The following NEBL variants were observed in gnomAD, a reference collection of about 807,000 sequenced individuals.
NEBL encodes LIM and SH3 protein 2.
A neutral mutation model predicts 140.2 loss-of-function variants in NEBL; 122 were observed. That is an observed-to-expected ratio of 0.87 (90% CI 0.75 to 1.01). The LOEUF is 1.01. Ranked by LOEUF, NEBL falls within the 50% of genes least tolerant of loss-of-function variation. NEBL has a pLI of 0.00. For synonymous variants in NEBL, 436 were observed against 398.9 expected (o/e 1.09, Z -1.11); for missense variants, 1,365 against 1,231.3 (o/e 1.11, Z -1.62).
chr10:21,047,606 T>C (rs1834579478), intron 2 of NEBL, among the ~76,000 whole-genome samples: 1 of 152,028 alleles, frequency 6.6e-6, no homozygotes, highest in South Asian at 2.1e-4. Context: ...TAAAGTGGCA[T>C]AAAACAAATA....
At chr10:21,291,308 C>G (rs1843138541) in intron 1 of NEBL, among the ~76,000 whole-genome samples, 1 of 151,588 alleles carries the variant, frequency 6.6e-6, no homozygotes, top group South Asian at 2.1e-4. Context: ...GAGTTCAAGA[C>G]CAGCCTGGCC....
intron 4 of NEBL, among the ~76,000 whole-genome samples, chr10:20,952,421 C>T (rs975568993): frequency 8.0e-6 from 1 of 125,714 alleles, no homozygotes; most frequent in African/African-American, 3.1e-5. Context: ...TGGGCAACAG[C>T]GTGAGACTCT....
chr10:20,897,706 G>T, upstream of NEBL: 1 of 246,722 alleles, frequency 4.1e-6, no homozygotes, highest in Non-Finnish European at 6.5e-6. Flanking sequence ...TAGTGAATCT[G>T]GATCATTCAA....
At chr10:20,976,815 A>T (rs1421792017) in intron 3 of NEBL, among the ~76,000 whole-genome samples, 1 of 151,904 alleles carries the variant, frequency 6.6e-6, no homozygotes, top group Non-Finnish European at 1.5e-5. Flanking sequence ...ACTACCTGTG[A>T]GATGCTATGC....
intron 3 of NEBL, among the ~76,000 whole-genome samples, chr10:21,242,554 T>C (rs1407332054): frequency 6.6e-6 from 1 of 152,060 alleles, no homozygotes; most frequent in Non-Finnish European, 1.5e-5. Flanking sequence ...CAAACCCCCA[T>C]GACACACAAT....
At chr10:21,063,362 GT>G (rs1835386894) in intron 2 of NEBL, among the ~76,000 whole-genome samples, 1 of 152,172 alleles carries the variant, frequency 6.6e-6, no homozygotes, top group African/African-American at 2.4e-5. Context: ...AATGCTCTAA[GT>G]TCCCAATTAA....
intron 3 of NEBL, among the ~76,000 whole-genome samples, chr10:21,209,913 A>G (rs1841890235): frequency 6.6e-6 from 1 of 152,042 alleles, no homozygotes; most frequent in African/African-American, 2.4e-5. Context: ...GCTTGTCAGG[A>G]TGAGGGACCT....
chr10:21,116,043 T>C (rs1433476908), intron 2 of NEBL, among the ~76,000 whole-genome samples: 2 of 152,152 alleles, frequency 1.3e-5, no homozygotes, highest in East Asian at 3.9e-4. Context: ...ATCATATTTT[T>C]TCAACTCTAG....
chr10:21,193,120 C>A (rs745911634), intron 3 of NEBL, among the ~76,000 whole-genome samples: 72 of 151,916 alleles, frequency 4.7e-4, no homozygotes, highest in Middle Eastern at 3.4e-3. Context: ...CCCAATGCTC[C>A]CAGGATGTAG....
At position 20,942,286 on chromosome 10, in the gene NEBL, A is replaced by C. The variant is rs146591266; in HGVS notation, c.357+19386T>G. ...ACAGAGCCCTCAGAAATAATGCCGC[A>C]TATCTACAACCATCTGTTCTTTGAC... On this transcript the variant is annotated intron_variant, in intron 4 of 6. Transcript: ENST00000417816. Among the ~76,000 whole-genome samples, 132 of 152,328 alleles carry C rather than the reference A, an allele frequency of 8.7e-4. 4 individuals carry two copies. In the East Asian group the frequency reaches 0.019, roughly 22 times the overall value.
At chr10:20,860,774 C>T (rs149268230) in intron 7 of NEBL, among the ~76,000 whole-genome samples, 3 of 152,170 alleles carry the variant, frequency 2.0e-5, no homozygotes, top group Admixed American at 2.0e-4. Flanking sequence ...AAAGGCTCTG[C>T]TTTGCAGAAG....
chr10:21,087,841 C>G (rs758124799), intron 2 of NEBL, among the ~76,000 whole-genome samples: 2 of 152,118 alleles, frequency 1.3e-5, no homozygotes, highest in African/African-American at 2.4e-5. Context: ...AAATGACTTA[C>G]GTGGAAATTA....
intron 3 of NEBL, among the ~76,000 whole-genome samples, chr10:20,989,547 A>C (rs774650335): frequency 2.0e-5 from 3 of 152,198 alleles, no homozygotes; most frequent in Admixed American, 2.0e-4. Context: ...AGAAACCATA[A>C]ATTTATGAAG....
In NEBL at chr10:21,020,204, G is replaced by A. The variant is rs757558719; in HGVS notation, c.165-3C>T. On this transcript the variant is annotated splice_polypyrimidine_tract_variant and splice_region_variant and intron_variant, in intron 2 of 6. Transcript: ENST00000417816. ...TGAAGGACTGCTTCGGGTAGTGTCTGTGGGGAAATTTTTTAAAAGGACATA... is the reference window on the plus strand; with the variant it reads ...TGAAGGACTGCTTCGGGTAGTGTCTATGGGGAAATTTTTTAAAAGGACATA... 2.2e-5 allele frequency: 35 copies of A among 1,613,354 alleles called. 1 individual carries two copies. In the Admixed American group the frequency reaches 5.5e-4, roughly 25 times the overall value.
intron 3 of NEBL, among the ~76,000 whole-genome samples, chr10:20,973,158 A>G (rs2131641627): frequency 6.6e-6 from 1 of 152,330 alleles, no homozygotes; most frequent in South Asian, 2.1e-4. Flanking sequence ...TTGAAGACCT[A>G]TAAGGTGTCA....
At chr10:21,029,305 C>G in intron 2 of NEBL, 1 of 1,609,196 alleles carries the variant, frequency 6.2e-7, no homozygotes, top group Admixed American at 1.7e-5. Context: ...TCTAGGGAAC[C>G]TATCCTATGA....
intron 2 of NEBL, among the ~76,000 whole-genome samples, chr10:21,051,523 T>A (rs1564493565): frequency 6.6e-6 from 1 of 151,152 alleles, no homozygotes. Context: ...TAAAAGAAAA[T>A]GAAAAGAGAA....
At chr10:20,893,207 T>A (rs1847174764) in intron 2 of NEBL, among the ~76,000 whole-genome samples, 1 of 152,094 alleles carries the variant, frequency 6.6e-6, no homozygotes, top group Non-Finnish European at 1.5e-5. Flanking sequence ...TTTTGCCCAA[T>A]CTTTTTTATG....
chr10:21,015,611 A>T (rs1838524373), intron 3 of NEBL, among the ~76,000 whole-genome samples: 1 of 152,212 alleles, frequency 6.6e-6, no homozygotes, highest in Admixed American at 6.5e-5. Context: ...CCTGGGCTCA[A>T]CAGGATCCTC....
Sources: gnomAD v4.1 joint callset for allele counts (sites outside exome capture counted in the v4.1 genomes callset) on GRCh38, gnomAD v4.1.1 for gene constraint, MANE v1.5 for transcripts, NCBI Gene and HGNC (gene_info 2026-07-23, HGNC 2026-07-21) for gene names.